Variants in MYO5B observed in about 807,000 individuals in gnomAD.
MYO5B encodes the protein unconventional myosin-Vb.
In MYO5B, 143 loss-of-function variants were observed where a neutral mutation model predicts 229.3. The ratio of observed to expected loss-of-function variants is 0.62; its 90% CI spans 0.54 to 0.72. MYO5B has a LOEUF of 0.72. Among genes scored for constraint, MYO5B ranks in the 30% least tolerant of loss-of-function variants. The probability of loss-of-function intolerance (pLI) is 0.00; values close to 1 mark genes in which losing one functional copy is unlikely to be tolerated. For missense variants in MYO5B, 2,321 were observed against 2,331.0 expected (o/e 1.00, Z 0.09); for synonymous variants, 918 against 885.2 (o/e 1.04, Z -0.66).
intron 1 of MYO5B, among the ~76,000 whole-genome samples, chr18:50,128,392 C>G (rs2032200651): frequency 6.6e-6 from 1 of 152,066 alleles, no homozygotes; most frequent in South Asian, 2.1e-4. Flanking sequence ...TGAACATGAC[C>G]CTCCACACAG....
At chr18:49,986,474 T>C (rs1279118427) in intron 7 of MYO5B, among the ~76,000 whole-genome samples, 2 of 152,228 alleles carry the variant, frequency 1.3e-5, no homozygotes, top group African/African-American at 4.8e-5. Context: ...TTGTACTCTA[T>C]GAGTGAAGGT....
intron 4 of MYO5B, among the ~76,000 whole-genome samples, chr18:50,015,960 A>G (rs1179443282): frequency 2.0e-5 from 3 of 152,218 alleles, no homozygotes; most frequent in African/African-American, 7.2e-5. Flanking sequence ...TATGGGCTCT[A>G]AGACCAGGCT....
intron 5 of MYO5B, among the ~76,000 whole-genome samples, chr18:49,993,522 A>G (rs765312970): frequency 6.6e-6 from 1 of 152,154 alleles, no homozygotes; most frequent in African/African-American, 2.4e-5. Flanking sequence ...AGATGAGTAC[A>G]GGGAGGCGCT....
intron 1 of MYO5B, among the ~76,000 whole-genome samples, chr18:50,193,929 T>TCCGC (rs1242727028): frequency 6.6e-6 from 1 of 152,152 alleles, no homozygotes; most frequent in East Asian, 1.9e-4. Context: ...CGCGGGCGTC[T>TCCGC]CCGCCCGGGC....
At chr18:49,903,489 C>A (rs1284508839) in intron 20 of MYO5B, among the ~76,000 whole-genome samples, 1 of 152,206 alleles carries the variant, frequency 6.6e-6, no homozygotes, top group Non-Finnish European at 1.5e-5. Flanking sequence ...AACTCCCAAA[C>A]ATCACCTGCC....
At chr18:50,016,306 G>T (rs188994302) in intron 4 of MYO5B, among the ~76,000 whole-genome samples, 1 of 151,924 alleles carries the variant, frequency 6.6e-6, no homozygotes, top group South Asian at 2.1e-4. Context: ...AATTCCTAAG[G>T]GTTTAAGCAT....
chr18:49,887,944 C>T (rs2024663830), intron 22 of MYO5B, among the ~76,000 whole-genome samples: 2 of 152,194 alleles, frequency 1.3e-5, no homozygotes, highest in South Asian at 4.1e-4. Flanking sequence ...CCTCAGCCTC[C>T]CAAAGTGCTG....
chr18:50,098,077 AC>A (rs1358202753), intron 1 of MYO5B, among the ~76,000 whole-genome samples: 1 of 152,220 alleles, frequency 6.6e-6, no homozygotes, highest in Non-Finnish European at 1.5e-5. Context: ...CCAAGAGAGC[AC>A]CTCTGGAAGT....
intron 4 of MYO5B, among the ~76,000 whole-genome samples, chr18:50,024,591 T>A (rs1054609964): frequency 2.6e-5 from 4 of 152,204 alleles, no homozygotes; most frequent in African/African-American, 9.6e-5. Flanking sequence ...CGTCATCTTT[T>A]GGCTGTAAGT....
chr18:50,024,498 AG>A (rs2026310099), intron 4 of MYO5B, among the ~76,000 whole-genome samples: 1 of 152,220 alleles, frequency 6.6e-6, no homozygotes, highest in African/African-American at 2.4e-5. Flanking sequence ...TTAACCAAAA[AG>A]GACATCTTTT....
chr18:50,129,431 T>C (rs1172999585), intron 1 of MYO5B, among the ~76,000 whole-genome samples: 2 of 152,222 alleles, frequency 1.3e-5, no homozygotes, highest in Non-Finnish European at 2.9e-5. Flanking sequence ...TGAACTCCGA[T>C]AAGGCAGAAA....
chr18:50,177,104 A>G (rs949100073), intron 1 of MYO5B, among the ~76,000 whole-genome samples: 3 of 152,220 alleles, frequency 2.0e-5, no homozygotes, highest in African/African-American at 7.2e-5. Context: ...CTAAAACACA[A>G]TTATATAAAT....
At chr18:50,179,455 C>T (rs539446218) in intron 1 of MYO5B, among the ~76,000 whole-genome samples, 1 of 152,252 alleles carries the variant, frequency 6.6e-6, no homozygotes, top group South Asian at 2.1e-4. Context: ...AGGAAGCTGC[C>T]CAGGAGTCAG....
intron 1 of MYO5B, among the ~76,000 whole-genome samples, chr18:50,125,397 G>A (rs1431213817): frequency 1.3e-5 from 2 of 150,504 alleles, no homozygotes; most frequent in East Asian, 3.9e-4. Flanking sequence ...GGAAGGGATA[G>A]CATTAGGAGA....
intron 2 of MYO5B, among the ~76,000 whole-genome samples, chr18:50,042,688 A>C (rs2030056054): frequency 6.6e-6 from 1 of 152,170 alleles, no homozygotes; most frequent in African/African-American, 2.4e-5. Context: ...GCAGGATTCT[A>C]ATCAGACCTC....
At chr18:50,048,961 G>A (rs2144406761) in intron 2 of MYO5B, among the ~76,000 whole-genome samples, 1 of 151,008 alleles carries the variant, frequency 6.6e-6, no homozygotes, top group South Asian at 2.1e-4. Context: ...GGCAGAGGTT[G>A]AAGTGTGCCG....
intron 1 of MYO5B, among the ~76,000 whole-genome samples, chr18:50,129,037 T>C (rs1412786914): frequency 6.6e-6 from 1 of 152,132 alleles, no homozygotes; most frequent in African/African-American, 2.4e-5. Context: ...AGTCACTGCT[T>C]AATGCAGGGC....
At chr18:49,956,606 T>C (rs1278784841) in intron 12 of MYO5B, among the ~76,000 whole-genome samples, 1 of 152,242 alleles carries the variant, frequency 6.6e-6, no homozygotes, top group East Asian at 1.9e-4. Context: ...TGATAACTTC[T>C]GGGTCATGGA....
chr18:49,830,814 A>T (rs2023907912), intron 39 of MYO5B, among the ~76,000 whole-genome samples: 1 of 135,732 alleles, frequency 7.4e-6, no homozygotes, highest in Non-Finnish European at 1.6e-5. Flanking sequence ...TGGGTGATAG[A>T]GTGAGACTCT....
Sources: allele counts gnomAD v4.1 joint callset (sites outside exome capture counted in the v4.1 genomes callset), GRCh38; gene constraint gnomAD v4.1.1; transcripts MANE v1.5; gene names NCBI Gene and HGNC (gene_info 2026-07-23, HGNC 2026-07-21).